The following SCMH1 variants were observed in gnomAD, a reference collection of about 807,000 sequenced individuals.
SCMH1 encodes polycomb protein SCMH1.
SCMH1 carries 37 observed loss-of-function variants against 70.8 expected under a neutral mutation model. That is an observed-to-expected ratio of 0.52 (90% CI 0.40 to 0.69). The LOEUF is 0.69. Ranked by LOEUF, SCMH1 falls within the 30% of genes least tolerant of loss-of-function variation. The pLI is 0.00. For synonymous variants in SCMH1, 292 were observed against 307.4 expected (o/e 0.95, Z 0.52); for missense variants, 607 against 827.3 (o/e 0.73, Z 3.27).
At chr1:41,038,287 A>G (rs982600502) in intron 12 of SCMH1, among the ~76,000 whole-genome samples, 1 of 152,166 alleles carries the variant, frequency 6.6e-6, no homozygotes, top group African/African-American at 2.4e-5. Context: ...CCATGGCCCA[A>G]CACCAGGCGG....
intron 10 of SCMH1, among the ~76,000 whole-genome samples, chr1:41,051,909 C>A (rs930789812): frequency 6.6e-6 from 1 of 152,118 alleles, no homozygotes. Context: ...ATATCCTAGG[C>A]CTTCACATTC....
intron 1 of SCMH1, among the ~76,000 whole-genome samples, chr1:41,192,806 T>C (rs1005218303): frequency 2.0e-5 from 3 of 152,218 alleles, no homozygotes; most frequent in African/African-American, 4.8e-5. Context: ...CTTGTTTTCA[T>C]TGCATTATGA....
chr1:41,122,803 T>A (rs373214331), intron 6 of SCMH1, among the ~76,000 whole-genome samples: 1 of 152,332 alleles, frequency 6.6e-6, no homozygotes, highest in African/African-American at 2.4e-5. Context: ...CAAGGATTCA[T>A]TTTTTAAAAC....
chr1:41,092,893 G>A (rs1342290363), intron 8 of SCMH1, among the ~76,000 whole-genome samples: 1 of 152,152 alleles, frequency 6.6e-6, no homozygotes, highest in Non-Finnish European at 1.5e-5. Context: ...GAGAGGATGT[G>A]GAGAAATAGG....
Position 41,113,232 on chromosome 1 carries a change from CTCCCT to C in SCMH1, c.745+46_745+50del. 2 of 1,584,404 alleles carry C rather than the reference CTCCCT, an allele frequency of 1.3e-6. No individual in the cohort carries two copies. The highest frequency in any genetic ancestry group is 1.7e-6 in the Non-Finnish European group (2 of 1,166,652). On this transcript the variant is annotated intron_variant, in intron 8 of 14. Transcript: ENST00000337495. The surrounding 1 kb of genome is among the most constrained non-coding windows in gnomAD (Gnocchi z 4.3). ...TATGATCATGACAGCCCTGGGTAGTCTCCCTTATCATCTGGGTCCTGATTTCAAGA... is the reference window on the plus strand; with the variant it reads ...TATGATCATGACAGCCCTGGGTAGTCTATCATCTGGGTCCTGATTTCAAGA...
At chr1:41,048,639 A>G (rs2148698950) in intron 11 of SCMH1, 51 bp downstream of exon 11, 3 of 1,531,486 alleles carry the variant, frequency 2.0e-6, no homozygotes, top group East Asian at 4.5e-5. Flanking sequence ...CAACCAGTTG[A>G]GAAGGTGGGT....
At chr1:41,055,832 C>T (rs1003388631) in intron 10 of SCMH1, among the ~76,000 whole-genome samples, 1 of 152,302 alleles carries the variant, frequency 6.6e-6, no homozygotes, top group Non-Finnish European at 1.5e-5. Flanking sequence ...ACAAACCACA[C>T]CTAAGAGGCC....
intron 1 of SCMH1, among the ~76,000 whole-genome samples, chr1:41,211,918 A>G (rs956420405): frequency 2.0e-5 from 3 of 152,224 alleles, no homozygotes; most frequent in Admixed American, 6.5e-5. Context: ...TCACAAGGAC[A>G]GAAAACCAAA....
intron 2 of SCMH1, among the ~76,000 whole-genome samples, chr1:41,164,291 T>C (rs72665615): frequency 0.082 from 12,495 of 152,156 alleles, 701 homozygotes; most frequent in South Asian, 0.15. Flanking sequence ...CTCATAGCTA[T>C]AATTCTCAAA....
At chr1:41,117,340 G>A (rs1670729078) in intron 6 of SCMH1, among the ~76,000 whole-genome samples, 4 of 152,212 alleles carry the variant, frequency 2.6e-5, no homozygotes, top group South Asian at 4.1e-4. Context: ...ACAAGAGTGC[G>A]AGCCTTCTGT....
At chr1:41,143,725 C>T (rs1360127165) in intron 5 of SCMH1, among the ~76,000 whole-genome samples, 6 of 151,670 alleles carry the variant, frequency 4.0e-5, no homozygotes, top group African/African-American at 9.8e-5. Flanking sequence ...CTCTCACATG[C>T]TCTTTTGTAA....
chr1:41,031,447 A>C (rs1291448792), intron 13 of SCMH1, among the ~76,000 whole-genome samples: 1 of 152,170 alleles, frequency 6.6e-6, no homozygotes, highest in African/African-American at 2.4e-5. Context: ...TAAAAAGTCA[A>C]AGTACACTTT....
chr1:41,140,390 T>C (rs2148195814), intron 6 of SCMH1, among the ~76,000 whole-genome samples: 1 of 152,146 alleles, frequency 6.6e-6, no homozygotes, highest in Non-Finnish European at 1.5e-5. Context: ...CCTCCCGGGT[T>C]CAACTGATTC....
chr1:41,158,814 C>T (rs746996377), intron 4 of SCMH1, among the ~76,000 whole-genome samples: 8 of 152,076 alleles, frequency 5.3e-5, no homozygotes, highest in South Asian at 2.1e-4. Context: ...ACTATGAAAG[C>T]GGCAGAGTGG....
chr1:41,179,352 G>A (rs12406486), intron 2 of SCMH1, among the ~76,000 whole-genome samples: 2 of 152,154 alleles, frequency 1.3e-5, no homozygotes, highest in Admixed American at 1.3e-4. Context: ...CAGAAGGCAA[G>A]AAATAACTAA....
chr1:41,104,055 T>C (rs979090268), intron 8 of SCMH1, among the ~76,000 whole-genome samples: 1 of 152,226 alleles, frequency 6.6e-6, no homozygotes, highest in African/African-American at 2.4e-5. Context: ...TTCCTGGCTC[T>C]GCGTGCAGTT....
chr1:41,205,139 G>A (rs989134045), intron 1 of SCMH1, among the ~76,000 whole-genome samples: 10 of 152,162 alleles, frequency 6.6e-5, no homozygotes, highest in Admixed American at 6.5e-4. Flanking sequence ...GCAGAATACG[G>A]GTGATTTCTG....
At chr1:41,131,661 G>A (rs561139050) in intron 6 of SCMH1, among the ~76,000 whole-genome samples, 21 of 152,178 alleles carry the variant, frequency 1.4e-4, no homozygotes, top group African/African-American at 5.1e-4. Flanking sequence ...CCATCAACTC[G>A]TCATTTACAT....
At chr1:41,096,578 G>A (rs1665133481) in intron 8 of SCMH1, among the ~76,000 whole-genome samples, 1 of 152,134 alleles carries the variant, frequency 6.6e-6, no homozygotes, top group East Asian at 1.9e-4. Context: ...CTACGTGGGA[G>A]GTGAAGAGCA....
Sources: allele counts gnomAD v4.1 joint callset (sites outside exome capture counted in the v4.1 genomes callset), GRCh38; gene constraint gnomAD v4.1.1; non-coding constraint Gnocchi (gnomAD v3.1); transcripts MANE v1.5; gene names NCBI Gene and HGNC (gene_info 2026-07-23, HGNC 2026-07-21).